THRB: variants seen among roughly 807,000 people sequenced by gnomAD.
THRB encodes thyroid hormone receptor beta, also known as nuclear receptor subfamily 1 group A member 2.
A neutral mutation model predicts 47.8 loss-of-function variants in THRB; 12 were observed. That is an observed-to-expected ratio of 0.25 (90% CI 0.16 to 0.41). The LOEUF (loss-of-function observed/expected upper bound fraction) is 0.41. Ranked by LOEUF, THRB falls within the 10% of genes least tolerant of loss-of-function variation. The pLI is 1.00. For missense variants in THRB, 348 were observed against 589.2 expected (o/e 0.59, Z 4.24); for synonymous variants, 218 against 212.2 (o/e 1.03, Z -0.24).
At chr3:24,160,026 G>C (rs1276139162) in intron 5 of THRB, among the ~76,000 whole-genome samples, 1 of 152,222 alleles carries the variant, frequency 6.6e-6, no homozygotes, top group African/African-American at 2.4e-5. Context: ...GGGGTGATGA[G>C]AGAATGTGTT....
At chr3:24,299,766 C>CTTTT (rs1360367092) in intron 2 of THRB, among the ~76,000 whole-genome samples, 3,672 of 58,090 alleles carry the variant, frequency 0.063, 1,081 homozygotes, top group African/African-American at 0.1. Flanking sequence ...GGGAAGTATG[C>CTTTT]TTTTTTATTT....
intron 1 of THRB, among the ~76,000 whole-genome samples, chr3:24,492,821 A>G (rs561423343): frequency 6.6e-6 from 1 of 152,382 alleles, no homozygotes; most frequent in East Asian, 1.9e-4. Context: ...TCCAATGTCA[A>G]TAAAAGTATA....
rs1464733178 is a variant in THRB at position 24,119,429 on chromosome 3, A to AAT, written c.*3453_*3454dup. 1 of 152,246 alleles carries AAT rather than the reference A, an allele frequency of 6.6e-6. No individual in the cohort carries two copies. Among genetic ancestry groups the AAT allele is most frequent in the Non-Finnish European group, 1.5e-5 (1 of 68,040 alleles). The allele number at this position is 152,246 out of a possible 1,614,324, so 9.4% of individuals were successfully genotyped here. A position where few individuals can be genotyped will look rare whatever the true frequency, so the allele number is the denominator to read the frequency against. ...TTTATGACTCATGCAGCAAAAGGTC[A>AAT]ATATGACACGAATAGGTTAGAGTTC... On this transcript the variant is annotated 3_prime_UTR_variant, in exon 11 of 11. Transcript: ENST00000646209.
rs566255427 is a variant in THRB, at chr3:24,127,259, G to A, written c.1144+240C>T. Among the ~76,000 whole-genome samples, 24 of 152,282 alleles carry A rather than the reference G, an allele frequency of 1.6e-4. No homozygotes were observed. In the East Asian group the frequency reaches 4.2e-3, roughly 27 times the overall value. On this transcript the variant is annotated intron_variant, in intron 10 of 10. Coordinates refer to ENST00000646209, the MANE Select transcript of THRB (RefSeq NM_001354712.2). ...GTATCCACCAAAGGCGGATCACTTC[G>A]TAGAGTCTTTAAGATGGCTCCTTTG...
intron 5 of THRB, among the ~76,000 whole-genome samples, chr3:24,178,775 G>A (rs1481676279): frequency 6.6e-6 from 1 of 152,100 alleles, no homozygotes; most frequent in East Asian, 1.9e-4. Flanking sequence ...GCAGCGGGGA[G>A]GGTAGGTAGA....
intron 1 of THRB, among the ~76,000 whole-genome samples, chr3:24,388,235 T>A (rs1025277666): frequency 1.3e-5 from 2 of 152,110 alleles, no homozygotes; most frequent in Admixed American, 6.6e-5. Context: ...GGAACAACTC[T>A]GAAGGGCTAC....
rs148427879 is a variant in THRB at position 24,333,392 on chromosome 3, C to T, written c.-189+3908G>A. On this transcript the variant is annotated intron_variant, in intron 2 of 10. Coordinates refer to ENST00000646209, the MANE Select transcript of THRB (RefSeq NM_001354712.2). ...ACTTTGGCGCTAGCAGGATCAGTTG[C>T]CCAAAGTCCCCGGAATGGAGAAACA... Among the ~76,000 whole-genome samples the T allele has an allele frequency of 7.9e-5, 12 of 152,276 alleles. No homozygotes were observed. The East Asian group carries it at 2.3e-3, about 29-fold the overall frequency.
Position 24,303,439 on chromosome 3 carries a change from A to T in THRB, c.-188-6068T>A, listed in dbSNP as rs148517528. Among the ~76,000 whole-genome samples the T allele has an allele frequency of 6.1e-3, 929 of 152,256 alleles. 7 individuals are homozygous for T. The highest frequency in any genetic ancestry group is 0.01 in the Non-Finnish European group (693 of 68,008). Reference sequence around the variant, plus strand: ...TGTTGTGGAGTTTTTCCAATGTTCTAGTAGAGGCCATCCTCAATCAGCCCA... The same window carrying T: ...TGTTGTGGAGTTTTTCCAATGTTCTTGTAGAGGCCATCCTCAATCAGCCCA... On this transcript the variant is annotated intron_variant, in intron 2 of 10. Coordinates refer to ENST00000646209, the MANE Select transcript of THRB (RefSeq NM_001354712.2).
At chr3:24,179,727 T>C (rs1275120006) in intron 5 of THRB, among the ~76,000 whole-genome samples, 1 of 152,148 alleles carries the variant, frequency 6.6e-6, no homozygotes, top group Non-Finnish European at 1.5e-5. Flanking sequence ...AAACAAGTAA[T>C]AACAAATAGC....
chr3:24,213,218 G>A (rs1222113307), intron 4 of THRB, among the ~76,000 whole-genome samples: 1 of 152,208 alleles, frequency 6.6e-6, no homozygotes, highest in Non-Finnish European at 1.5e-5. Flanking sequence ...GCCTCATACT[G>A]TAGCCAGTTT....
intron 1 of THRB, among the ~76,000 whole-genome samples, chr3:24,462,070 C>T (rs138137286): frequency 7.8e-4 from 118 of 152,088 alleles, no homozygotes; most frequent in South Asian, 5.4e-3. Context: ...AACATTTCAA[C>T]GGTGGGTGAC....
chr3:24,409,606 G>A (rs982200765), intron 1 of THRB, among the ~76,000 whole-genome samples: 7 of 151,724 alleles, frequency 4.6e-5, no homozygotes, highest in Non-Finnish European at 8.8e-5. Flanking sequence ...AAAATTAAAT[G>A]AATTAAATGA....
At chr3:24,154,665 T>C (rs1028388171) in intron 5 of THRB, among the ~76,000 whole-genome samples, 1 of 152,156 alleles carries the variant, frequency 6.6e-6, no homozygotes, top group African/African-American at 2.4e-5. Flanking sequence ...AAGACCTACT[T>C]ATAAAACACA....
At chr3:24,268,143 A>G (rs1002111245) in intron 3 of THRB, among the ~76,000 whole-genome samples, 1 of 152,200 alleles carries the variant, frequency 6.6e-6, no homozygotes, top group African/African-American at 2.4e-5. Context: ...CGAGATTATA[A>G]AAGACATGCA....
chr3:24,270,844 TGTTA>T (rs2053247508), intron 3 of THRB, among the ~76,000 whole-genome samples: 1 of 152,212 alleles, frequency 6.6e-6, no homozygotes, highest in Non-Finnish European at 1.5e-5. Flanking sequence ...TAACATTTCT[TGTTA>T]ATTAAAAAGA....
intron 2 of THRB, among the ~76,000 whole-genome samples, chr3:24,326,763 T>TTTTC: frequency 7.9e-6 from 1 of 125,888 alleles, no homozygotes; most frequent in African/African-American, 3.2e-5. Flanking sequence ...TGTCTTTTTT[T>TTTTC]TTTTTTTTTT....
chr3:24,408,507 A>G (rs4491844), intron 1 of THRB, among the ~76,000 whole-genome samples: 111,384 of 151,696 alleles, frequency 0.73, 41,393 homozygotes, highest in African/African-American at 0.84. Context: ...ATACTTGAGT[A>G]CAAGTGTGAG....
intron 1 of THRB, among the ~76,000 whole-genome samples, chr3:24,427,887 T>C (rs1383082821): frequency 6.6e-6 from 1 of 152,052 alleles, no homozygotes; most frequent in Non-Finnish European, 1.5e-5. Context: ...AGGTTTTCCT[T>C]GAAATATCAG....
intron 1 of THRB, among the ~76,000 whole-genome samples, chr3:24,449,340 T>C (rs1189943286): frequency 6.6e-6 from 1 of 152,204 alleles, no homozygotes; most frequent in East Asian, 1.9e-4. Flanking sequence ...ATATTCAATA[T>C]GTCACACCAC....
Sources: allele counts gnomAD v4.1 joint callset (sites outside exome capture counted in the v4.1 genomes callset), GRCh38; gene constraint gnomAD v4.1.1; transcripts MANE v1.5; gene names NCBI Gene and HGNC (gene_info 2026-07-23, HGNC 2026-07-21).